MYO1H: variants seen among roughly 807,000 people sequenced by gnomAD.
MYO1H encodes the protein unconventional myosin-Ih.
A neutral mutation model predicts 149.3 loss-of-function variants in MYO1H; 118 were observed. That is an observed-to-expected ratio of 0.79 (90% CI 0.68 to 0.92). MYO1H has a LOEUF of 0.92. Ranked by LOEUF, MYO1H falls within the 40% of genes least tolerant of loss-of-function variation. MYO1H has a pLI of 0.00. For missense variants in MYO1H, 1,212 were observed against 1,280.7 expected, an observed-to-expected ratio of 0.95 and a Z score of 0.82; for synonymous variants, 447 against 465.2, an observed-to-expected ratio of 0.96 and a Z score of 0.50.
chr12:109,402,192 C>A (rs934072780), intron 6 of MYO1H, among the ~76,000 whole-genome samples: 12 of 152,158 alleles, frequency 7.9e-5, no homozygotes, highest in Admixed American at 6.5e-5. Flanking sequence ...TATAACCCTG[C>A]AATATTTGTT....
intron 1 of MYO1H, among the ~76,000 whole-genome samples, chr12:109,381,548 T>C (rs767554697): frequency 1.3e-5 from 2 of 152,212 alleles, no homozygotes; most frequent in Non-Finnish European, 2.9e-5. Flanking sequence ...CTCATACCTG[T>C]AGTCCCAGCA....
At chr12:109,403,809 A>G (rs934842934) in intron 6 of MYO1H, among the ~76,000 whole-genome samples, 173 bp from the exon 7 acceptor site, 4 of 152,264 alleles carry the variant, frequency 2.6e-5, no homozygotes, top group African/African-American at 9.6e-5. Context: ...TAAATTTGAA[A>G]AAAAGCAACA....
Position 109,403,974 on chromosome 12 carries a change from G to T in MYO1H, c.751-8G>T, listed in dbSNP as rs1454139396. The T allele has an allele frequency of 1.1e-5, 17 of 1,608,376 alleles. No individual in the cohort carries two copies. In the Middle Eastern group the frequency reaches 6.6e-4, roughly 62 times the overall value. ...TGACATTAAGTGACTCAAACTTTTT[G>T]TCAACAGGGTCATTGTGCCAAAGAG... On this transcript the variant is annotated splice_region_variant and splice_polypyrimidine_tract_variant and intron_variant, in intron 6 of 31. Transcript: ENST00000310903.
intron 22 of MYO1H, 28 bp from the exon 23 acceptor site, chr12:109,438,508 T>C: frequency 1.3e-6 from 2 of 1,587,532 alleles, no homozygotes; most frequent in Non-Finnish European, 1.7e-6. Context: ...TGTGCTCACC[T>C]TCTAATGCCA....
intron 1 of MYO1H, among the ~76,000 whole-genome samples, chr12:109,365,250 T>A (rs562677829): frequency 6.6e-6 from 1 of 152,168 alleles, no homozygotes; most frequent in South Asian, 2.1e-4. Flanking sequence ...CACTCCAGCC[T>A]GGGCAACAGA....
intron 1 of MYO1H, among the ~76,000 whole-genome samples, chr12:109,364,515 G>T (rs1250317435): frequency 6.6e-6 from 1 of 151,986 alleles, no homozygotes; most frequent in Non-Finnish European, 1.5e-5. Flanking sequence ...TGTAGAGATG[G>T]GGTTTCTCCA....
At chr12:109,337,624 G>A in the MYO1H span, among the ~76,000 whole-genome samples, 1 of 152,112 alleles carries the variant, frequency 6.6e-6, no homozygotes, top group Non-Finnish European at 1.5e-5. Flanking sequence ...AGAACAGCAT[G>A]GGAAAGACCT....
At chr12:109,429,865 A>G (rs1337843850) in intron 19 of MYO1H, among the ~76,000 whole-genome samples, 2 of 152,184 alleles carry the variant, frequency 1.3e-5, no homozygotes, top group Non-Finnish European at 2.9e-5. Flanking sequence ...ACCAACAGAA[A>G]CTTTTCACAG....
chr12:109,339,092 C>T, the MYO1H span, among the ~76,000 whole-genome samples: 1 of 152,100 alleles, frequency 6.6e-6, no homozygotes, highest in Non-Finnish European at 1.5e-5. Context: ...CGGCCAGGTG[C>T]AGTGGCTCAT....
At position 109,443,218 on chromosome 12, in the gene MYO1H, ATG is replaced by A. The variant is rs776483761; in HGVS notation, c.2689-288_2689-287del. On this transcript the variant is annotated intron_variant, in intron 27 of 31. Coordinates refer to ENST00000310903, the Ensembl canonical transcript of MYO1H. ...TATATGTGTGTATATGTGTACGTATATGTGTGTGTATATGTGTACGTATATGT... is the reference window on the plus strand; with the variant it reads ...TATATGTGTGTATATGTGTACGTATATGTGTGTATATGTGTACGTATATGT... 7.3e-4 allele frequency among the ~76,000 whole-genome samples: 96 copies of A among 132,046 alleles called. 1 individual carries two copies. The highest frequency in any genetic ancestry group is 2.0e-3 in the South Asian group (8 of 4,044). The allele number at this position is 132,046 out of a possible 152,430, so 86.6% of individuals were successfully genotyped here.
intron 27 of MYO1H, 68 bp downstream of exon 27, chr12:109,442,340 T>G: frequency 2.1e-6 from 3 of 1,440,946 alleles, no homozygotes; most frequent in Non-Finnish European, 2.9e-6. Flanking sequence ...GGGTCCCCTT[T>G]CTCCATAAAG....
At chr12:109,360,583 T>C (rs1315907607) in intron 1 of MYO1H, among the ~76,000 whole-genome samples, 1 of 152,190 alleles carries the variant, frequency 6.6e-6, no homozygotes, top group Non-Finnish European at 1.5e-5. Context: ...GCATCTGCCT[T>C]CATGAGGGTA....
At chr12:109,403,338 AAGAAAAC>A (rs1435225062) in intron 6 of MYO1H, among the ~76,000 whole-genome samples, 1 of 152,242 alleles carries the variant, frequency 6.6e-6, no homozygotes, top group African/African-American at 2.4e-5. Flanking sequence ...GAAATCTTTT[AAGAAAAC>A]AGATCTTCAG....
At chr12:109,383,779 C>T (rs1717664286) in intron 1 of MYO1H, among the ~76,000 whole-genome samples, 1 of 152,214 alleles carries the variant, frequency 6.6e-6, no homozygotes, top group Admixed American at 6.5e-5. Flanking sequence ...ATTTCTGCCT[C>T]TACCATGGCA....
At chr12:109,411,799 G>T in intron 13 of MYO1H, 95 bp from the exon 14 acceptor site, 1 of 840,498 alleles carries the variant, frequency 1.2e-6, no homozygotes, top group Non-Finnish European at 1.9e-6. Flanking sequence ...CAGTCTTTTA[G>T]TCCAGTACTT....
intron 1 of MYO1H, among the ~76,000 whole-genome samples, chr12:109,375,666 G>C (rs1029487252): frequency 3.3e-5 from 5 of 152,066 alleles, no homozygotes; most frequent in African/African-American, 1.2e-4. Context: ...TATGGTTGAT[G>C]CTTTTTCATA....
intron 30 of MYO1H, 64 bp from the exon 31 acceptor site, chr12:109,445,449 T>C (rs3742020): frequency 0.31 from 379,649 of 1,222,338 alleles, 60,791 homozygotes; most frequent in African/African-American, 0.4. Context: ...ATTTCTTCTG[T>C]AGACCAAAGG....
At chr12:109,326,735 G>T in the MYO1H span, among the ~76,000 whole-genome samples, 1 of 151,878 alleles carries the variant, frequency 6.6e-6, no homozygotes, top group African/African-American at 2.4e-5. Flanking sequence ...GCCCAGGCTG[G>T]TCTCAAATCC....
upstream of MYO1H, among the ~76,000 whole-genome samples, chr12:109,342,906 T>G (rs1420724370): frequency 6.6e-6 from 1 of 152,026 alleles, no homozygotes; most frequent in Non-Finnish European, 1.5e-5. Context: ...TTTTTATGAC[T>G]GATTAACCTC....
Sources: gnomAD v4.1 joint callset for allele counts (sites outside exome capture counted in the v4.1 genomes callset) on GRCh38, gnomAD v4.1.1 for gene constraint, MANE v1.5 for transcripts, NCBI Gene and HGNC (gene_info 2026-07-23, HGNC 2026-07-21) for gene names.